The following LCORL variants were observed in gnomAD, a reference collection of about 807,000 sequenced individuals.
LCORL encodes ligand dependent nuclear receptor corepressor like.
LCORL carries 41 observed loss-of-function variants against 141.8 expected under a neutral mutation model. The ratio of observed to expected loss-of-function variants is 0.29; its 90% confidence interval spans 0.23 to 0.38. The LOEUF (loss-of-function observed/expected upper bound fraction) is 0.38, where lower values mean the gene tolerates loss of function less well. Ranked by LOEUF, LCORL falls within the 10% of genes least tolerant of loss-of-function variation. LCORL has a pLI of 1.00. For synonymous variants in LCORL, 618 were observed against 694.1 expected, an observed-to-expected ratio of 0.89 and a Z score of 1.72; for missense variants, 1,759 against 2,035.0, an observed-to-expected ratio of 0.86 and a Z score of 2.61.
At chr4:18,010,364 G>T (rs1723506698) in intron 1 of LCORL, among the ~76,000 whole-genome samples, 1 of 151,740 alleles carries the variant, frequency 6.6e-6, no homozygotes, top group South Asian at 2.1e-4. Context: ...ATACATAAAT[G>T]TGTGTATGGG....
exon 7 of LCORL, chr4:17,875,040 C>G: frequency 8.1e-7 from 1 of 1,233,580 alleles, no homozygotes; most frequent in Admixed American, 4.2e-5. Flanking sequence ...ACGTTTTGAT[C>G]CATTTTTAAA....
At chr4:17,945,514 C>T (rs1336859811) in intron 4 of LCORL, among the ~76,000 whole-genome samples, 1 of 151,878 alleles carries the variant, frequency 6.6e-6, no homozygotes, top group Non-Finnish European at 1.5e-5. Flanking sequence ...CAATATACCC[C>T]TCCTTTTCTC....
chr4:17,885,105 GTACCCAAATCCTAAAGGAGTTTT>G (rs1212706049), intron 6 of LCORL, among the ~76,000 whole-genome samples: 2 of 151,896 alleles, frequency 1.3e-5, no homozygotes, highest in African/African-American at 4.8e-5. Flanking sequence ...ATTATAAAAA[GTACCCAAATCCTAAAGGAGTTTT>G]TGTTAGTACA....
At chr4:17,942,385 C>A (rs1336272732) in intron 4 of LCORL, among the ~76,000 whole-genome samples, 1 of 152,066 alleles carries the variant, frequency 6.6e-6, no homozygotes, top group Non-Finnish European at 1.5e-5. Context: ...GCTTAATAAT[C>A]AACTACCAAG....
At chr4:17,873,447 C>T in exon 7 of LCORL, 4 of 1,221,578 alleles carry the variant, frequency 3.3e-6, no homozygotes, top group Non-Finnish European at 4.1e-6. Flanking sequence ...TCGTTTATGT[C>T]TTTTTGTTGA....
intron 4 of LCORL, among the ~76,000 whole-genome samples, chr4:17,954,806 C>T (rs2109559794): frequency 6.6e-6 from 1 of 152,284 alleles, no homozygotes; most frequent in East Asian, 1.9e-4. Flanking sequence ...GCTTGACCAA[C>T]TGAGTCACGA....
At chr4:17,990,379 A>G (rs1272651495) in intron 1 of LCORL, among the ~76,000 whole-genome samples, 1 of 143,394 alleles carries the variant, frequency 7.0e-6, no homozygotes, top group African/African-American at 2.8e-5. Context: ...GATTACAGGC[A>G]TGAGCCACCA....
chr4:17,957,064 A>C (rs1375922734), intron 4 of LCORL, among the ~76,000 whole-genome samples: 1 of 151,956 alleles, frequency 6.6e-6, no homozygotes, highest in Non-Finnish European at 1.5e-5. Flanking sequence ...GAATAAAGGA[A>C]AACAGCGTTG....
intron 7 of LCORL, among the ~76,000 whole-genome samples, chr4:17,867,491 T>C (rs1172755082): frequency 6.6e-6 from 1 of 152,218 alleles, no homozygotes; most frequent in African/African-American, 2.4e-5. Context: ...AAATAGGCCA[T>C]GGGCCAGACT....
chr4:17,962,145 A>G, intron 3 of LCORL, 113 bp from the exon 4 acceptor site: 1 of 549,444 alleles, frequency 1.8e-6, no homozygotes, highest in Middle Eastern at 2.9e-4. Flanking sequence ...TCTGCTCTTT[A>G]AATTGTATCA....
exon 8 of LCORL, chr4:17,843,356 A>C: frequency 6.2e-7 from 1 of 1,612,288 alleles, no homozygotes; most frequent in Non-Finnish European, 8.5e-7. Context: ...TACCAAGACG[A>C]GCCAAAACCG....
At chr4:17,892,679 C>T (rs1729298581) in intron 5 of LCORL, among the ~76,000 whole-genome samples, 1 of 152,096 alleles carries the variant, frequency 6.6e-6, no homozygotes, top group Non-Finnish European at 1.5e-5. Flanking sequence ...TTTATAATAG[C>T]AAATTTAGGA....
chr4:17,970,830 A>G (rs949682310), intron 2 of LCORL, among the ~76,000 whole-genome samples: 1 of 152,230 alleles, frequency 6.6e-6, no homozygotes, highest in Non-Finnish European at 1.5e-5. Context: ...GGACAGTTTA[A>G]GAAAACACAG....
At chr4:17,994,814 T>A (rs1433558310) in intron 1 of LCORL, among the ~76,000 whole-genome samples, 8 of 151,620 alleles carry the variant, frequency 5.3e-5, no homozygotes, top group Non-Finnish European at 5.9e-5. Context: ...TTATGTGATT[T>A]TTTTATTTGA....
intron 1 of LCORL, among the ~76,000 whole-genome samples, chr4:17,982,099 CGTGTGTGTGTGTGTGTGTGTGTGT>C (rs57094203): frequency 2.9e-4 from 40 of 136,582 alleles, no homozygotes; most frequent in African/African-American, 9.5e-4. Context: ...AGTATTCCAT[CGTGTGTGTGTGTGTGTGTGTGTGT>C]GTGTGTGTGT....
intron 2 of LCORL, among the ~76,000 whole-genome samples, chr4:17,965,812 C>T (rs1398800763): frequency 6.6e-6 from 1 of 151,968 alleles, no homozygotes; most frequent in African/African-American, 2.4e-5. Context: ...TGTGAAACAC[C>T]TCAACAGATG....
intron 1 of LCORL, among the ~76,000 whole-genome samples, chr4:18,004,102 A>G (rs16896247): frequency 0.075 from 11,473 of 152,282 alleles, 1,483 homozygotes; most frequent in African/African-American, 0.26. Context: ...TTCTCTGGGA[A>G]GTATTGGTGT....
At chr4:17,939,668 A>G (rs1737511108) in intron 4 of LCORL, among the ~76,000 whole-genome samples, 1 of 152,128 alleles carries the variant, frequency 6.6e-6, no homozygotes, top group Non-Finnish European at 1.5e-5. Context: ...AAAGGAGAAC[A>G]CAGCAGAAAA....
intron 5 of LCORL, among the ~76,000 whole-genome samples, chr4:17,900,273 T>A (rs1730668351): frequency 6.6e-6 from 1 of 152,180 alleles, no homozygotes; most frequent in Non-Finnish European, 1.5e-5. Context: ...CATTCTATAA[T>A]CTCACCTTAT....
Sources: allele counts gnomAD v4.1 joint callset (sites outside exome capture counted in the v4.1 genomes callset), GRCh38; gene constraint gnomAD v4.1.1; transcripts MANE v1.5; gene names NCBI Gene and HGNC (gene_info 2026-07-23, HGNC 2026-07-21).